The following COL16A1 variants were observed in gnomAD, a reference collection of about 807,000 sequenced individuals.
COL16A1 encodes collagen type XVI alpha 1 chain.
In COL16A1, 189 loss-of-function variants were observed where a neutral mutation model predicts 266.3. That is an observed-to-expected ratio of 0.71 (90% CI 0.63 to 0.80). The LOEUF (loss-of-function observed/expected upper bound fraction) is 0.80, where lower values mean the gene tolerates loss of function less well. Ranked by LOEUF, COL16A1 falls within the 30% of genes least tolerant of loss-of-function variation. The pLI, the probability that COL16A1 is intolerant of heterozygous loss-of-function variation, is 0.00. For synonymous variants in COL16A1, 740 were observed against 782.3 expected (o/e 0.95, Z 0.90); for missense variants, 1,928 against 2,122.4 (o/e 0.91, Z 1.80).
In COL16A1 at chr1:31,666,089, T is replaced by C. The variant is rs147008575; in HGVS notation, c.3358-8A>G. ...TTCAGATCCTGGGGGGCCCTAAGGA[T>C]ACAAAGGAACAGAATCAGTCACTCC... On this transcript the variant is annotated splice_region_variant and splice_polypyrimidine_tract_variant and intron_variant, in intron 52 of 70. Coordinates refer to ENST00000373672, the MANE Select transcript of COL16A1 (RefSeq NM_001856.4). 202 of 1,608,158 alleles carry C rather than the reference T, an allele frequency of 1.3e-4. 1 individual carries two copies. In the African/African-American group the frequency reaches 2.1e-3, roughly 16 times the overall value.
chr1:31,682,990 C>T lies in COL16A1; in HGVS notation c.2482G>A (p.Val828Met), dbSNP rs1643753491. 4.3e-6 allele frequency: 7 copies of T among 1,613,994 alleles called. No homozygotes were observed. In the East Asian group the frequency reaches 1.3e-4, roughly 31 times the overall value. ...CCCACAGGTCCGGTGGCTCCTTTCA[C>T]CCCTGGAGATCCCTGTGTAAGAGAA... ...GEKGAQGSPG[V>M]KGATGPVGPP... The change falls in exon 37 of 71, where the codon GTG (valine) becomes ATG (methionine). Residue 828 changes from valine (V) to methionine (M), a missense_variant. Val to Met is a conservative substitution (Grantham distance 21, BLOSUM62 1). This residue lies in a region of COL16A1 where 1,552 missense variants were observed against 1,637.2 expected (regional missense o/e 0.95). Transcript: ENST00000373672.
chr1:31,674,333 G>A (rs1049729457), intron 44 of COL16A1, among the ~76,000 whole-genome samples: 1 of 152,218 alleles, frequency 6.6e-6, no homozygotes, highest in Non-Finnish European at 1.5e-5. Flanking sequence ...AAAACCTGAA[G>A]GCAACCTGGG....
rs1007623604 is a variant in COL16A1, at chr1:31,664,738, G to T, written c.3555+434C>A. Among the ~76,000 whole-genome samples the T allele has an allele frequency of 3.3e-5, 5 of 152,158 alleles. No individual in the cohort carries two copies. The highest frequency in any genetic ancestry group is 4.8e-5 in the African/African-American group (2 of 41,444). Reference sequence around the variant, plus strand: ...ACTGGAGCACGGCTACCCAGGAGGAGCCCATTCCCCTTCCACGTTGGTGTC... The same window carrying T: ...ACTGGAGCACGGCTACCCAGGAGGATCCCATTCCCCTTCCACGTTGGTGTC... On this transcript the variant is annotated intron_variant, in intron 56 of 70. Coordinates refer to ENST00000373672, the MANE Select transcript of COL16A1 (RefSeq NM_001856.4). The surrounding 1 kb of genome is among the most constrained non-coding windows in gnomAD (Gnocchi z 5.5).
At chr1:31,695,062 GGAGC>G in intron 11 of COL16A1, 120 bp downstream of exon 11, 1 of 960,456 alleles carries the variant, frequency 1.0e-6, no homozygotes, top group Middle Eastern at 2.9e-4. Context: ...AGATGGGCAG[GGAGC>G]GAGTGTGAAA....
At position 31,686,122 on chromosome 1, in the gene COL16A1, G is replaced by A. The variant is rs768533348; in HGVS notation, c.1853C>T (p.Pro618Leu). Residue 618 changes from proline (P) to leucine (L), a missense_variant, in exon 28 of 71, where the codon CCA (proline) becomes CTA (leucine). Physicochemically the swap from Pro to Leu is moderately conservative, Grantham distance 98. This residue lies in a region of COL16A1 where 1,552 missense variants were observed against 1,637.2 expected (regional missense o/e 0.95). Coordinates refer to ENST00000373672, the MANE Select transcript of COL16A1 (RefSeq NM_001856.4). ...GPAGSPGPPG[P>L]VGPAGIKGAK... is the part of the protein sequence containing the mutation. ...CCCTTTGATGCCTGCTGGCCCCACT[G>A]GTCCTGGTGGCCCCTGCATGTTAAG... 19 of 1,614,112 alleles carry A rather than the reference G, an allele frequency of 1.2e-5. No individual in the cohort carries two copies. In the South Asian group the frequency reaches 1.9e-4, roughly 16 times the overall value.
chr1:31,669,157 G>T (rs1159513376), intron 49 of COL16A1, among the ~76,000 whole-genome samples: 1 of 152,068 alleles, frequency 6.6e-6, no homozygotes, highest in African/African-American at 2.4e-5. Context: ...CCCGTCGCTG[G>T]TATGCCCTGC....
chr1:31,685,271 C>T lies in COL16A1; in HGVS notation c.2016+368G>A, dbSNP rs1643911873. ...TGGTAACTGCCATTTCCCCAGTGCCCATGGTGTACCACTAAGCACTTCACA... is the reference window on the plus strand; with the variant it reads ...TGGTAACTGCCATTTCCCCAGTGCCTATGGTGTACCACTAAGCACTTCACA... On this transcript the variant is annotated intron_variant, in intron 29 of 70. Coordinates refer to ENST00000373672, the MANE Select transcript of COL16A1 (RefSeq NM_001856.4). This position sits in a 1 kb window ranked among gnomAD's most constrained non-coding sequence, Gnocchi z 4.0. Among the ~76,000 whole-genome samples, 1 of 152,204 alleles carries T rather than the reference C, an allele frequency of 6.6e-6. No individual in the cohort carries two copies. The highest frequency in any genetic ancestry group is 1.5e-5 in the Non-Finnish European group (1 of 68,030).
At chr1:31,654,721 C>T in intron 68 of COL16A1, 71 bp downstream of exon 68, 1 of 1,611,536 alleles carries the variant, frequency 6.2e-7, no homozygotes, top group South Asian at 1.1e-5. Context: ...GAGAAAGAGG[C>T]CAAGGCAGGG....
intron 31 of COL16A1, 90 bp downstream of exon 31, chr1:31,684,433 G>A (rs891960330): frequency 1.9e-6 from 3 of 1,541,550 alleles, no homozygotes; most frequent in African/African-American, 1.4e-5. Flanking sequence ...TAAGGCCCCA[G>A]CTGGCCCTGC....
At chr1:31,665,709 C>T in intron 54 of COL16A1, 91 bp from the exon 55 acceptor site, 1 of 1,592,512 alleles carries the variant, frequency 6.3e-7, no homozygotes, top group Non-Finnish European at 8.6e-7. Flanking sequence ...GGGGCACCCT[C>T]AAACCCATGG....
Position 31,697,836 on chromosome 1 carries a change from C to G in COL16A1, c.657+70G>C. 2 of 1,504,162 alleles carry G rather than the reference C, an allele frequency of 1.3e-6. No individual in the cohort carries two copies. Among genetic ancestry groups the G allele is most frequent in the Non-Finnish European group, 1.8e-6 (2 of 1,120,476 alleles). The allele number at this position is 1,504,162 out of a possible 1,614,324, so 93.2% of individuals were successfully genotyped here. ...AGCAGGAGAAGGACTTGTTCCGATA[C>G]GGATTCCAGGAAGCCCACTCAGGTT... On this transcript the variant is annotated intron_variant, in intron 6 of 70. Coordinates refer to ENST00000373672, the MANE Select transcript of COL16A1 (RefSeq NM_001856.4). This position sits in a 1 kb window ranked among gnomAD's most constrained non-coding sequence, Gnocchi z 4.2.
chr1:31,669,378 T>C (rs762731747), intron 49 of COL16A1, among the ~76,000 whole-genome samples: 2 of 151,918 alleles, frequency 1.3e-5, no homozygotes. Context: ...ACAGGAAGGC[T>C]GCCTCCAGAG....
chr1:31,689,717 T>C, intron 23 of COL16A1, 24 bp downstream of exon 23: 1 of 1,593,328 alleles, frequency 6.3e-7, no homozygotes, highest in East Asian at 2.2e-5. Flanking sequence ...GGGAGGTCCC[T>C]CAATGGTCAC....
At position 31,670,260 on chromosome 1, in the gene COL16A1, G is replaced by C. The variant is rs1243256297; in HGVS notation, c.3195+342C>G. ...GGCAGGAATGGAGGGGCCCCCTAGAGGCACCAGCTTAAGAGGAAGGTTCAC... is the reference window on the plus strand; with the variant it reads ...GGCAGGAATGGAGGGGCCCCCTAGACGCACCAGCTTAAGAGGAAGGTTCAC... On this transcript the variant is annotated intron_variant, in intron 49 of 70. Transcript: ENST00000373672. The surrounding 1 kb of genome is among the most constrained non-coding windows in gnomAD (Gnocchi z 4.5). The C allele has an allele frequency of 3.4e-6, 1 of 294,354 alleles. No individual in the cohort carries two copies. The highest frequency in any genetic ancestry group is 6.2e-6 in the Non-Finnish European group (1 of 160,436). The allele number at this position is 294,354 out of a possible 1,614,324, so 18.2% of individuals were successfully genotyped here.
rs576673924 is a variant in COL16A1 at position 31,692,047 on chromosome 1, G to A, written c.1215C>T (p.Gly405=). The part of the protein sequence containing the change: ...TGEKGQKGEK[G]DGGIKGVPGK... ...CCGGCACGCCCTTGATGCCTCCGTC[G>A]CCCTTCTCGCCTTTCTGGCCCTGGG... The change falls in exon 17 of 71, where the codon GGC becomes GGT. Residue 405 remains glycine, a synonymous_variant. Transcript: ENST00000373672. 58 of 1,613,768 alleles carry A rather than the reference G, an allele frequency of 3.6e-5. 1 individual carries two copies. The highest frequency in any genetic ancestry group is 3.2e-4 in the South Asian group (29 of 91,078).
chr1:31,655,287 C>T (rs757162989), intron 67 of COL16A1, 27 bp downstream of exon 67: 3 of 1,604,280 alleles, frequency 1.9e-6, no homozygotes, highest in South Asian at 1.1e-5. Context: ...TGGGACAGTG[C>T]CCACAGCTGC....
At chr1:31,692,924 G>C in intron 13 of COL16A1, 116 bp from the exon 14 acceptor site, 2 of 1,103,560 alleles carry the variant, frequency 1.8e-6, no homozygotes, top group South Asian at 2.7e-5. Flanking sequence ...AGAAAAGGGG[G>C]GCTTCTACAC....
At position 31,697,373 on chromosome 1, in the gene COL16A1, C is replaced by T. The variant is rs1644545970; in HGVS notation, c.658-73G>A. 3 of 1,419,110 alleles carry T rather than the reference C, an allele frequency of 2.1e-6. No individual in the cohort carries two copies. The highest frequency in any genetic ancestry group is 5.0e-5 in the East Asian group (2 of 40,006). 87.9% of individuals were successfully genotyped at this position (1,419,110 alleles called of 1,614,324 possible). A position where few individuals can be genotyped will look rare whatever the true frequency, so the allele number is the denominator to read the frequency against. Reference sequence around the variant, plus strand: ...CTGTGTCCTGGCCCCCCAGGAGGCACAGAGATGTCTCTGCCCCAGGATGTG... The same window carrying T: ...CTGTGTCCTGGCCCCCCAGGAGGCATAGAGATGTCTCTGCCCCAGGATGTG... On this transcript the variant is annotated intron_variant, in intron 6 of 70. Coordinates refer to ENST00000373672, the MANE Select transcript of COL16A1 (RefSeq NM_001856.4). The surrounding 1 kb of genome is among the most constrained non-coding windows in gnomAD (Gnocchi z 4.2).
chr1:31,688,834 C>A lies in COL16A1; in HGVS notation c.1767+27G>T. 6.3e-7 allele frequency: 1 copy of A among 1,599,298 alleles called. No individual in the cohort carries two copies. The highest frequency in any genetic ancestry group is 8.5e-7 in the Non-Finnish European group (1 of 1,170,984). The stretch of plus-strand genomic sequence containing the variant: ...GTATGGCAAGGATGGCTGAACTGGG[C>A]TGGGCTGGGAGAAAGTCGTCACTCA... On this transcript the variant is annotated intron_variant, in intron 25 of 70. Coordinates refer to ENST00000373672, the MANE Select transcript of COL16A1 (RefSeq NM_001856.4). The surrounding 1 kb of genome is among the most constrained non-coding windows in gnomAD (Gnocchi z 4.9).
Sources: allele counts gnomAD v4.1 joint callset (sites outside exome capture counted in the v4.1 genomes callset), GRCh38; gene constraint gnomAD v4.1.1; regional missense constraint gnomAD v4.1.1; non-coding constraint Gnocchi (gnomAD v3.1); transcripts MANE v1.5; gene names NCBI Gene and HGNC (gene_info 2026-07-23, HGNC 2026-07-21).